The following VPS8 variants were observed in gnomAD, a reference collection of about 807,000 sequenced individuals.
VPS8 encodes VPS8 subunit of CORVET complex, also known as vacuolar protein sorting-associated protein 8 homolog.
A neutral mutation model predicts 216.4 loss-of-function variants in VPS8; 129 were observed. That is an observed-to-expected ratio of 0.60 (90% CI 0.52 to 0.69). VPS8 has a LOEUF of 0.69. Among genes scored for constraint, VPS8 ranks in the 30% least tolerant of loss-of-function variants. VPS8 has a pLI of 0.00. For synonymous variants in VPS8, 571 were observed against 565.4 expected (o/e 1.01, Z -0.14); for missense variants, 1,531 against 1,683.5 (o/e 0.91, Z 1.59).
rs779397192 is a variant in VPS8, at chr3:184,928,457, T to C, written c.2638T>C (p.Leu880=). The C allele has an allele frequency of 6.5e-7, 1 of 1,531,788 alleles. No individual in the cohort carries two copies. Among genetic ancestry groups the C allele is most frequent in the Non-Finnish European group, 8.7e-7 (1 of 1,151,844 alleles). The allele number at this position is 1,531,788 out of a possible 1,614,324, so 94.9% of individuals were successfully genotyped here. ...ATTTATTGTAAATACTCAGGTCCTT[T>C]TAGAATTGCTGCAGGCTGGAGGCAT... ...SRHSERQQVL[L]ELLQAGGIVQ... Residue 880 remains leucine (L), a synonymous_variant, in exon 32 of 48, where the codon TTA becomes CTA. Transcript: ENST00000625842.
intron 44 of VPS8, 68 bp downstream of exon 44, chr3:184,996,569 C>T: frequency 6.7e-7 from 1 of 1,491,948 alleles, no homozygotes; most frequent in Admixed American, 2.0e-5. Flanking sequence ...GGCAAGAATC[C>T]ACATGGATAC....
intron 45 of VPS8, among the ~76,000 whole-genome samples, chr3:185,022,451 TAAC>T (rs752395904): frequency 5.3e-5 from 8 of 152,248 alleles, no homozygotes; most frequent in Admixed American, 1.3e-4. Context: ...GGATGTTTGA[TAAC>T]AAACTGAATT....
chr3:184,975,229 G>A (rs1749063927), intron 40 of VPS8, among the ~76,000 whole-genome samples: 1 of 152,090 alleles, frequency 6.6e-6, no homozygotes, highest in South Asian at 2.1e-4. Flanking sequence ...TTTCATCAGA[G>A]TTTTGTAGTT....
intron 15 of VPS8, among the ~76,000 whole-genome samples, chr3:184,860,367 G>A (rs1173529772): frequency 4.6e-5 from 7 of 150,748 alleles, no homozygotes; most frequent in Admixed American, 6.6e-5. Flanking sequence ...AAGTATATGT[G>A]TGTGTGTATA....
chr3:184,894,915 A>C lies in VPS8; in HGVS notation c.1994A>C (p.Asp665Ala). 6.2e-7 allele frequency: 1 copy of C among 1,603,542 alleles called. No homozygotes were observed. The highest frequency in any genetic ancestry group is 8.5e-7 in the Non-Finnish European group (1 of 1,175,116). The part of the protein sequence containing the change: ...LIVHMDITSL[D>A]IQQVVLMCWE... ...GTACATATGGATATCACCAGCCTAG[A>C]TATTCAGCAGGTGAGTTTATAGACA... The change falls in exon 23 of 48, where the codon GAT becomes GCT. Residue 665 changes from aspartate to alanine, a missense_variant. Asp to Ala is a moderately radical substitution (Grantham distance 126). This residue lies in a region of VPS8 where 1,318 missense variants were observed against 1,468.4 expected (regional missense o/e 0.90). Coordinates refer to ENST00000625842, the MANE Select transcript of VPS8 (RefSeq NM_001009921.3).
intron 47 of VPS8, 30 bp downstream of exon 47, chr3:185,048,589 A>G: frequency 6.2e-7 from 1 of 1,610,774 alleles, no homozygotes; most frequent in Non-Finnish European, 8.5e-7. Context: ...TTATATTTTT[A>G]TTTCCCTATT....
intron 46 of VPS8, among the ~76,000 whole-genome samples, chr3:185,043,343 A>G (rs1712115324): frequency 6.6e-6 from 1 of 152,252 alleles, no homozygotes; most frequent in Non-Finnish European, 1.5e-5. Context: ...CGCAGCTAGC[A>G]GAAGGCCAGA....
At chr3:184,910,996 A>G (rs1409780834) in intron 25 of VPS8, among the ~76,000 whole-genome samples, 2 of 152,252 alleles carry the variant, frequency 1.3e-5, no homozygotes, top group African/African-American at 4.8e-5. Context: ...CGTACCTAAT[A>G]GTAGCCCTGA....
At chr3:184,885,867 T>C in intron 21 of VPS8, 1 of 413,612 alleles carries the variant, frequency 2.4e-6, no homozygotes, top group Non-Finnish European at 4.4e-6. Flanking sequence ...AGTGAACACC[T>C]TAATGCATTA....
At chr3:184,813,560 A>G (rs1481757571) in intron 1 of VPS8, among the ~76,000 whole-genome samples, 1 of 152,264 alleles carries the variant, frequency 6.6e-6, no homozygotes, top group Non-Finnish European at 1.5e-5. Flanking sequence ...TCCATAGAAT[A>G]TGCAATAAAG....
intron 39 of VPS8, among the ~76,000 whole-genome samples, chr3:184,970,360 A>G (rs190575282): frequency 1.3e-5 from 2 of 152,316 alleles, no homozygotes; most frequent in African/African-American, 2.4e-5. Context: ...CCTGAAGGAG[A>G]CAGATAAGTA....
intron 20 of VPS8, 146 bp downstream of exon 20, chr3:184,869,674 G>T (rs573814784): frequency 1.3e-6 from 1 of 743,290 alleles, no homozygotes; most frequent in Non-Finnish European, 2.1e-6. Flanking sequence ...CACACACTTG[G>T]GGTCAGGGGT....
intron 46 of VPS8, among the ~76,000 whole-genome samples, chr3:185,031,062 C>CTTTTTTTTTTTTTTT (rs1561198896): frequency 1.7e-4 from 13 of 75,238 alleles, no homozygotes; most frequent in African/African-American, 8.9e-4. Flanking sequence ...TACAGGTTGG[C>CTTTTTTTTTTTTTTT]GTTTTTTTTT....
chr3:185,035,242 T>C (rs1758717049), intron 46 of VPS8, among the ~76,000 whole-genome samples: 1 of 152,112 alleles, frequency 6.6e-6, no homozygotes, highest in South Asian at 2.1e-4. Flanking sequence ...GAAGGACTCC[T>C]CCTCAACTCA....
Position 184,996,332 on chromosome 3 carries a change from A to G in VPS8, c.3667A>G (p.Thr1223Ala). 1 of 1,609,468 alleles carries G rather than the reference A, an allele frequency of 6.2e-7. No individual in the cohort carries two copies. Among genetic ancestry groups the G allele is most frequent in the East Asian group, 2.2e-5 (1 of 44,854 alleles). Residue 1223 changes from threonine (T) to alanine (A), a missense_variant and splice_region_variant, in exon 44 of 48, where the codon ACC becomes GCC. Physicochemically the swap from Thr to Ala is moderately conservative, Grantham distance 58. Coordinates refer to ENST00000625842, the MANE Select transcript of VPS8 (RefSeq NM_001009921.3). Reference protein sequence around the residue: ...GMLDTFNYEQTLLETTTSLLN... With the variant: ...GMLDTFNYEQALLETTTSLLN... ...TGTTTTTTGTTTTGGTGTTTCATAG[A>G]CCCTGCTGGAAACAACAACCAGCCT...
intron 1 of VPS8, among the ~76,000 whole-genome samples, chr3:184,818,421 G>C (rs1716815961): frequency 6.6e-6 from 1 of 151,652 alleles, no homozygotes; most frequent in Non-Finnish European, 1.5e-5. Context: ...TACTTGGGAG[G>C]CTGAAGTGGG....
chr3:184,835,212 G>C (rs1039786291), intron 5 of VPS8, among the ~76,000 whole-genome samples: 2 of 151,506 alleles, frequency 1.3e-5, no homozygotes, highest in Non-Finnish European at 2.9e-5. Context: ...TTGGAAACTA[G>C]GTAAAGCTGT....
chr3:185,008,851 G>T (rs1044198086), intron 45 of VPS8, among the ~76,000 whole-genome samples: 3 of 152,074 alleles, frequency 2.0e-5, no homozygotes, highest in African/African-American at 7.2e-5. Flanking sequence ...TGGTAAACAG[G>T]TAAACAAGCA....
intron 46 of VPS8, among the ~76,000 whole-genome samples, chr3:185,027,521 C>T (rs1479853385): frequency 6.6e-6 from 1 of 152,112 alleles, no homozygotes; most frequent in Non-Finnish European, 1.5e-5. Flanking sequence ...GGATTACAGG[C>T]GTGAGCCACC....
Sources: gnomAD v4.1 joint callset for allele counts (sites outside exome capture counted in the v4.1 genomes callset) on GRCh38, gnomAD v4.1.1 for gene constraint, gnomAD v4.1.1 regional missense constraint, MANE v1.5 for transcripts, NCBI Gene and HGNC (gene_info 2026-07-23, HGNC 2026-07-21) for gene names.